Variants in SETD2 observed in about 807,000 individuals in gnomAD.
SETD2 encodes histone-lysine N-methyltransferase SETD2.
A neutral mutation model predicts 242.1 loss-of-function variants in SETD2; 31 were observed. The observed-to-expected ratio is 0.13, with a 90% CI of 0.10 to 0.17. SETD2 has a LOEUF of 0.17. Among genes scored for constraint, SETD2 ranks in the 10% least tolerant of loss-of-function variants. The pLI is 1.00. For missense variants in SETD2, 2,481 were observed against 3,046.3 expected, an observed-to-expected ratio of 0.81 and a Z score of 4.37; for synonymous variants, 1,006 against 1,066.5, an observed-to-expected ratio of 0.94 and a Z score of 1.11.
intron 15 of SETD2, among the ~76,000 whole-genome samples, chr3:47,050,771 C>T (rs751857946): frequency 1.6e-5 from 2 of 124,288 alleles, no homozygotes; most frequent in Non-Finnish European, 3.2e-5. Flanking sequence ...CACTCTGTCA[C>T]CCAGGCGGAA....
chr3:47,136,355 T>C (rs1311847396), intron 1 of SETD2, among the ~76,000 whole-genome samples: 1 of 152,172 alleles, frequency 6.6e-6, no homozygotes, highest in African/African-American at 2.4e-5. Flanking sequence ...AATTTCTGGC[T>C]CACAGCCCTT....
At chr3:47,128,516 T>C (rs1413952085) in intron 1 of SETD2, among the ~76,000 whole-genome samples, 5 of 152,238 alleles carry the variant, frequency 3.3e-5, no homozygotes, top group South Asian at 2.1e-4. Flanking sequence ...TCCCCAAATG[T>C]AGGCCTAACT....
rs551119324 is a variant in SETD2, at chr3:47,051,197, TGG to T, written c.6964-4578_6964-4577del. ...AAGGCTCACAGCAGCCTTGACCTCCTGGGCTCAGATGATCCTCCTGCCTCAGC... is the reference window on the plus strand; with the variant it reads ...AAGGCTCACAGCAGCCTTGACCTCCTGCTCAGATGATCCTCCTGCCTCAGC... On this transcript the variant is annotated intron_variant, in intron 15 of 20. Transcript: ENST00000409792. Among the ~76,000 whole-genome samples, 273 of 152,126 alleles carry T rather than the reference TGG, an allele frequency of 1.8e-3. 3 individuals are homozygous for T. Among genetic ancestry groups the T allele is most frequent in the Non-Finnish European group, 1.2e-3 (84 of 67,986 alleles).
rs1427050464 is a variant in SETD2 at position 47,057,083 on chromosome 3, T to G, written c.6701A>C (p.Glu2234Ala). The G allele has an allele frequency of 6.2e-7, 1 of 1,614,152 alleles. No homozygotes were observed. Among genetic ancestry groups the G allele is most frequent in the East Asian group, 2.2e-5 (1 of 44,870 alleles). ...PVVPHVAAPV[E>A]VSSSQYVAQS... ...GGCCACATACTGGGAACTGGAAACTTCCACAGGAGCTGCCACATGTGGCAC... is the reference window on the plus strand; with the variant it reads ...GGCCACATACTGGGAACTGGAAACTGCCACAGGAGCTGCCACATGTGGCAC... The change falls in exon 15 of 21, where the codon GAA (glutamate) becomes GCA (alanine). Residue 2234 changes from glutamate (E) to alanine (A), a missense_variant. By Grantham distance (107) the Glu-to-Ala change is moderately radical. Transcript: ENST00000409792.
At chr3:47,108,528 T>C (rs775414013) in intron 5 of SETD2, among the ~76,000 whole-genome samples, 26 of 152,204 alleles carry the variant, frequency 1.7e-4, no homozygotes, top group Non-Finnish European at 3.2e-4. Context: ...ATTATAAAGA[T>C]GCTTTCTTGA....
At chr3:47,130,150 C>A (rs186133305) in intron 1 of SETD2, among the ~76,000 whole-genome samples, 24 of 152,144 alleles carry the variant, frequency 1.6e-4, no homozygotes, top group African/African-American at 5.5e-4. Context: ...GCAAGATTGG[C>A]GGGACAAGAG....
chr3:47,055,808 T>C (rs1043530036), intron 15 of SETD2, among the ~76,000 whole-genome samples: 1 of 151,570 alleles, frequency 6.6e-6, no homozygotes, highest in Non-Finnish European at 1.5e-5. Context: ...GTCAGGAGAT[T>C]GAGACCATCC....
rs1212594816 is a variant in SETD2 at position 47,103,346 on chromosome 3, T to C, written c.4917A>G (p.Lys1639=). 1.9e-6 allele frequency: 3 copies of C among 1,604,524 alleles called. No homozygotes were observed. Among genetic ancestry groups the C allele is most frequent in the African/African-American group, 2.7e-5 (2 of 74,686 alleles). Residue 1639 remains lysine, a splice_region_variant and synonymous_variant, in exon 7 of 21, where the codon AAA becomes AAG. Transcript: ENST00000409792. ...AAACTCTAAATCCACCTCAACTTAC[T>C]TTTTGGGTTTCACAATTTGGTTCAC... The part of the protein sequence containing the change: ...HSCEPNCETQ[K]WTVNGQLRVG...
At chr3:47,022,934 G>A (rs1453585889) in intron 18 of SETD2, among the ~76,000 whole-genome samples, 2 of 152,198 alleles carry the variant, frequency 1.3e-5, no homozygotes, top group African/African-American at 4.8e-5. Flanking sequence ...ACCATACACA[G>A]GCTGTGTAAC....
intron 1 of SETD2, among the ~76,000 whole-genome samples, chr3:47,152,104 C>A (rs1428407740): frequency 6.6e-6 from 1 of 152,138 alleles, no homozygotes; most frequent in Non-Finnish European, 1.5e-5. Context: ...AATTGTACAA[C>A]AAAAGTTGTT....
chr3:47,142,792 T>C (rs2043762315), intron 1 of SETD2, among the ~76,000 whole-genome samples: 1 of 151,820 alleles, frequency 6.6e-6, no homozygotes, highest in African/African-American at 2.4e-5. Flanking sequence ...CTCAGCCTTC[T>C]GAGTAGCTGG....
intron 7 of SETD2, 65 bp from the exon 8 acceptor site, chr3:47,101,620 GTGT>G: frequency 1.2e-6 from 1 of 836,492 alleles, no homozygotes; most frequent in Non-Finnish European, 2.0e-6. Context: ...GTGTGTGTGT[GTGT>G]GTGTGTGTGT....
At chr3:47,061,185 T>C (rs2040316988) in intron 14 of SETD2, among the ~76,000 whole-genome samples, 1 of 151,834 alleles carries the variant, frequency 6.6e-6, no homozygotes, top group Non-Finnish European at 1.5e-5. Context: ...GCCACTGCAC[T>C]CCAGCCTGGG....
intron 9 of SETD2, among the ~76,000 whole-genome samples, chr3:47,091,686 G>A (rs1030962344): frequency 7.2e-5 from 11 of 152,080 alleles, no homozygotes; most frequent in Non-Finnish European, 8.8e-5. Context: ...TCACTTCAGC[G>A]CGGGAGGCGG....
chr3:47,123,204 A>G lies in SETD2; in HGVS notation c.1432T>C (p.Ser478Pro), dbSNP rs2106697904. 6.3e-7 allele frequency: 1 copy of G among 1,584,218 alleles called. No homozygotes were observed. Among genetic ancestry groups the G allele is most frequent in the Non-Finnish European group, 8.6e-7 (1 of 1,163,004 alleles). The change falls in exon 3 of 21, where the codon TCT becomes CCT. Residue 478 changes from serine (S) to proline (P), a missense_variant. Ser to Pro is a moderately conservative substitution (Grantham distance 74). Coordinates refer to ENST00000409792, the MANE Select transcript of SETD2 (RefSeq NM_014159.7). ...TYSRRTSSHS[S>P]SYRDLRTSSY... The stretch of plus-strand genomic sequence containing the variant: ...GATGTCCTTAGGTCTCTGTAAGAAG[A>G]GGAATGAGATGAGGTACGCCTTGAG...
chr3:47,057,586 A>G, intron 14 of SETD2, 96 bp from the exon 15 acceptor site: 1 of 822,094 alleles, frequency 1.2e-6, no homozygotes, highest in South Asian at 1.7e-5. Context: ...CTAAACCACT[A>G]ACCACATCAA....
chr3:47,068,862 G>A (rs1037824021), intron 12 of SETD2, among the ~76,000 whole-genome samples: 10 of 151,820 alleles, frequency 6.6e-5, no homozygotes, highest in Admixed American at 3.9e-4. Flanking sequence ...GCAGTGGTGC[G>A]ATCTCAGCTC....
Position 47,017,215 on chromosome 3 carries a change from T to C in SETD2, c.7573A>G (p.Lys2525Glu), listed in dbSNP as rs759966189. Residue 2525 changes from lysine (K) to glutamate (E), a missense_variant, in exon 21 of 21, where the codon AAG becomes GAG. This residue lies in a region of SETD2 where 29 missense variants were observed against 46.7 expected (regional missense o/e 0.62). Transcript: ENST00000409792. The surrounding 1 kb of genome is among the most constrained non-coding windows in gnomAD (Gnocchi z 4.8). Reference sequence around the variant, plus strand: ...TTGCACTCCAGGTCCTCAGGATTCTTACAGTACTTCAGCTCCTTATTCATA... The same window carrying C: ...TTGCACTCCAGGTCCTCAGGATTCTCACAGTACTTCAGCTCCTTATTCATA... ...GVMNKELKYCKNPEDLECNEN... is the reference protein window; with the variant it reads ...GVMNKELKYCENPEDLECNEN... 1 of 1,614,160 alleles carries C rather than the reference T, an allele frequency of 6.2e-7. No individual in the cohort carries two copies. The highest frequency in any genetic ancestry group is 8.5e-7 in the Non-Finnish European group (1 of 1,180,030).
chr3:47,074,442 A>G (rs1403051055), intron 12 of SETD2, among the ~76,000 whole-genome samples: 3 of 152,222 alleles, frequency 2.0e-5, no homozygotes, highest in Admixed American at 6.5e-5. Flanking sequence ...AGTCCTAGGC[A>G]TAGTACCAAA....
Sources: allele counts gnomAD v4.1 joint callset (sites outside exome capture counted in the v4.1 genomes callset), GRCh38; gene constraint gnomAD v4.1.1; regional missense constraint gnomAD v4.1.1; non-coding constraint Gnocchi (gnomAD v3.1); transcripts MANE v1.5; gene names NCBI Gene and HGNC (gene_info 2026-07-23, HGNC 2026-07-21).